HORMAD2: variants seen among roughly 807,000 people sequenced by gnomAD.
HORMAD2 encodes the protein HORMA domain containing 2, also known as HORMA domain-containing protein 2.
HORMAD2 carries 45 observed loss-of-function variants against 38.8 expected under a neutral mutation model. That is an observed-to-expected ratio of 1.16 (90% CI 0.91 to 1.49). The LOEUF (loss-of-function observed/expected upper bound fraction) is 1.49, where lower values mean the gene tolerates loss of function less well. Ranked by LOEUF, HORMAD2 falls within the 40% of genes most tolerant of loss-of-function variation. The pLI is 0.00. For missense variants in HORMAD2, 338 were observed against 367.0 expected, an observed-to-expected ratio of 0.92 and a Z score of 0.65; for synonymous variants, 126 against 122.8, an observed-to-expected ratio of 1.03 and a Z score of -0.17.
intron 4 of HORMAD2, 85 bp from the exon 5 acceptor site, chr22:30,104,316 C>A (rs1921025761): frequency 1.9e-6 from 2 of 1,054,388 alleles, no homozygotes; most frequent in Non-Finnish European, 1.5e-6. Flanking sequence ...TACATCAAAG[C>A]AAAAAGTGCA....
chr22:30,085,326 T>G (rs1399109485), intron 1 of HORMAD2, among the ~76,000 whole-genome samples: 2 of 151,974 alleles, frequency 1.3e-5, no homozygotes, highest in East Asian at 1.9e-4. Flanking sequence ...CTTTTAGGGG[T>G]GATGAAAATG....
chr22:30,201,756 G>A, the HORMAD2 span, among the ~76,000 whole-genome samples: 9 of 151,924 alleles, frequency 5.9e-5, no homozygotes, highest in Admixed American at 3.9e-4. Flanking sequence ...ACACAATCCC[G>A]CAACATCTAG....
the HORMAD2 span, among the ~76,000 whole-genome samples, chr22:30,200,845 G>A: frequency 1.3e-5 from 2 of 151,802 alleles, no homozygotes; most frequent in Non-Finnish European, 2.9e-5. Context: ...TGCCTCCTGG[G>A]TTCAAGCGAT....
At chr22:30,111,037 T>C (rs1334625220) in intron 5 of HORMAD2, among the ~76,000 whole-genome samples, 1 of 150,846 alleles carries the variant, frequency 6.6e-6, no homozygotes, top group Admixed American at 6.6e-5. Flanking sequence ...ATGCGTGTAA[T>C]CCCAGCTACT....
At position 30,093,992 on chromosome 22, in the gene HORMAD2, AAGG is replaced by A; in HGVS notation, c.41_43del (p.Lys14_Ala15delinsThr). 2 of 1,602,662 alleles carry A rather than the reference AAGG, an allele frequency of 1.2e-6. No homozygotes were observed. Among genetic ancestry groups the A allele is most frequent in the African/African-American group, 2.7e-5 (2 of 74,780 alleles). On this transcript the variant is annotated inframe_deletion, in exon 2 of 11. Coordinates refer to ENST00000336726, the MANE Select transcript of HORMAD2 (RefSeq NM_152510.4). ...GCTTTCTCACTGCATCACAATACAC[AAGG>A]CTTCTAAGGTATTTGTTAAGAATTA...
chr22:30,106,953 A>C (rs777173497), intron 5 of HORMAD2, among the ~76,000 whole-genome samples: 13 of 152,266 alleles, frequency 8.5e-5, no homozygotes, highest in Non-Finnish European at 2.9e-5. Flanking sequence ...TTTCAGACAA[A>C]TTATAAGAGA....
At chr22:30,154,928 G>C (rs1283502931) in intron 10 of HORMAD2, among the ~76,000 whole-genome samples, 2 of 152,004 alleles carry the variant, frequency 1.3e-5, no homozygotes, top group African/African-American at 4.8e-5. Flanking sequence ...AAGTTAGCTG[G>C]GTGTGGTGGC....
the HORMAD2 span, among the ~76,000 whole-genome samples, chr22:30,182,521 G>A: frequency 4.6e-5 from 7 of 152,306 alleles, no homozygotes; most frequent in South Asian, 2.1e-4. Flanking sequence ...CTAAACAAGC[G>A]ACAGGGCTGG....
At chr22:30,103,205 A>G (rs1018565699) in intron 3 of HORMAD2, among the ~76,000 whole-genome samples, 1 of 152,218 alleles carries the variant, frequency 6.6e-6, no homozygotes, top group Non-Finnish European at 1.5e-5. Context: ...GTTGTGCTAC[A>G]TTGTAGAAGG....
chr22:30,112,434 TTTGATGAGGAG>T lies in HORMAD2; in HGVS notation c.316-60_316-50del, dbSNP rs1249073339. 1.9e-5 allele frequency: 15 copies of T among 787,932 alleles called. No homozygotes were observed. The African/African-American group carries it at 2.4e-4, about 12-fold the overall frequency. The allele number at this position is 787,932 out of a possible 1,614,324, so 48.8% of individuals were successfully genotyped here. ...AATTGAACTCTATATAAAAAAGGTA[TTTGATGAGGAG>T]TAATCTAGTAAATTCCAGAAATTAA... On this transcript the variant is annotated intron_variant, in intron 6 of 10. Transcript: ENST00000336726.
intron 7 of HORMAD2, among the ~76,000 whole-genome samples, chr22:30,118,140 C>T (rs1427573661): frequency 6.6e-6 from 1 of 152,140 alleles, no homozygotes; most frequent in Non-Finnish European, 1.5e-5. Context: ...AAAACTCTTC[C>T]GTAGACTTCT....
intron 10 of HORMAD2, among the ~76,000 whole-genome samples, chr22:30,159,664 C>A (rs1925321730): frequency 6.6e-6 from 1 of 152,130 alleles, no homozygotes; most frequent in Admixed American, 6.5e-5. Flanking sequence ...AAAACACAGA[C>A]AGAAATGTGA....
At chr22:30,150,857 A>G (rs1013735611) in intron 10 of HORMAD2, among the ~76,000 whole-genome samples, 1 of 152,178 alleles carries the variant, frequency 6.6e-6, no homozygotes, top group African/African-American at 2.4e-5. Context: ...TGCACTTTGT[A>G]TTCCATTATC....
chr22:30,133,542 C>T (rs1601555745), intron 10 of HORMAD2, among the ~76,000 whole-genome samples: 1 of 150,338 alleles, frequency 6.7e-6, no homozygotes, highest in South Asian at 2.1e-4. Flanking sequence ...AGGCTTGTTA[C>T]ATAGGTATAC....
chr22:30,199,394 G>C, the HORMAD2 span, among the ~76,000 whole-genome samples: 1 of 152,224 alleles, frequency 6.6e-6, no homozygotes, highest in East Asian at 1.9e-4. Flanking sequence ...ATCTCTCTGG[G>C]TAGAAATGAC....
At chr22:30,155,948 C>T (rs1925046382) in intron 10 of HORMAD2, among the ~76,000 whole-genome samples, 1 of 152,170 alleles carries the variant, frequency 6.6e-6, no homozygotes, top group Admixed American at 6.5e-5. Context: ...CCCCAGACTG[C>T]CTCCTCACCC....
At chr22:30,091,721 G>A (rs1308923452) in intron 1 of HORMAD2, among the ~76,000 whole-genome samples, 1 of 151,968 alleles carries the variant, frequency 6.6e-6, no homozygotes, top group Non-Finnish European at 1.5e-5. Flanking sequence ...TAGGATTGCT[G>A]GATTATATGG....
chr22:30,100,715 C>T (rs1245031799), intron 3 of HORMAD2, among the ~76,000 whole-genome samples: 1 of 152,146 alleles, frequency 6.6e-6, no homozygotes, highest in Non-Finnish European at 1.5e-5. Flanking sequence ...CCAGAATCTA[C>T]AAGGAACTTA....
chr22:30,186,148 T>C, the HORMAD2 span, among the ~76,000 whole-genome samples: 1 of 152,134 alleles, frequency 6.6e-6, no homozygotes. Context: ...ACAACAAATA[T>C]TTGCATAGGT....
Sources: gnomAD v4.1 joint callset for allele counts (sites outside exome capture counted in the v4.1 genomes callset) on GRCh38, gnomAD v4.1.1 for gene constraint, MANE v1.5 for transcripts, NCBI Gene and HGNC (gene_info 2026-07-23, HGNC 2026-07-21) for gene names.